Variants in SHLD1 observed in about 807,000 individuals in gnomAD.
SHLD1 encodes shieldin complex subunit 1.
A neutral mutation model predicts 5.5 loss-of-function variants in SHLD1; 3 were observed. The observed-to-expected ratio is 0.54, with a 90% CI of 0.25 to 1.40. The LOEUF is 1.40. Ranked by LOEUF, SHLD1 falls within the 40% of genes most tolerant of loss-of-function variation. SHLD1 has a pLI of 0.15. For missense variants in SHLD1, 210 were observed against 244.4 expected, an observed-to-expected ratio of 0.86 and a Z score of 0.94; for synonymous variants, 92 against 94.3, an observed-to-expected ratio of 0.98 and a Z score of 0.14.
At chr20:5,832,016 T>C (rs1452153689) in intron 2 of SHLD1, among the ~76,000 whole-genome samples, 1 of 152,200 alleles carries the variant, frequency 6.6e-6, no homozygotes. Flanking sequence ...GCAGCTGTCT[T>C]GGCAACCTCC....
intron 1 of SHLD1, among the ~76,000 whole-genome samples, chr20:5,755,191 C>T (rs6133256): frequency 3.3e-5 from 5 of 152,154 alleles, no homozygotes; most frequent in African/African-American, 1.2e-4. Context: ...CTTACAAGGC[C>T]TTAAAAGAGG....
At chr20:5,846,363 C>T (rs959508219) in intron 2 of SHLD1, among the ~76,000 whole-genome samples, 10 of 152,152 alleles carry the variant, frequency 6.6e-5, no homozygotes, top group African/African-American at 1.7e-4. Flanking sequence ...TTTTCTTACG[C>T]GTAAGGTTGA....
At chr20:5,791,893 A>G (rs2087146871) in intron 2 of SHLD1, among the ~76,000 whole-genome samples, 1 of 152,328 alleles carries the variant, frequency 6.6e-6, no homozygotes, top group East Asian at 1.9e-4. Flanking sequence ...GATAGTGACC[A>G]TCCTAATGGG....
At chr20:5,804,007 G>A (rs1207713879) in intron 2 of SHLD1, among the ~76,000 whole-genome samples, 2 of 151,364 alleles carry the variant, frequency 1.3e-5, no homozygotes, top group East Asian at 2.0e-4. Context: ...GTCTTATGGC[G>A]AGATCAATAT....
At chr20:5,846,063 G>A (rs1175122299) in intron 2 of SHLD1, among the ~76,000 whole-genome samples, 1 of 152,152 alleles carries the variant, frequency 6.6e-6, no homozygotes, top group Non-Finnish European at 1.5e-5. Flanking sequence ...ATGGAAAAAC[G>A]CCAGACTTTC....
At chr20:5,791,974 C>T (rs2087148086) in intron 2 of SHLD1, among the ~76,000 whole-genome samples, 1 of 152,114 alleles carries the variant, frequency 6.6e-6, no homozygotes, top group Admixed American at 6.6e-5. Context: ...ACATATTTTC[C>T]ACATGTTTAT....
rs1473391202 is a variant in SHLD1 at position 5,817,432 on chromosome 20, C to CTCTCTCTGTG, written c.178+44390_178+44391insCTCTCTGTGT. 4.2e-3 allele frequency among the ~76,000 whole-genome samples: 359 copies of CTCTCTCTGTG among 85,632 alleles called. 1 individual carries two copies. The highest frequency in any genetic ancestry group is 0.011 in the African/African-American group (206 of 17,982). The allele number at this position is 85,632 out of a possible 152,430, so 56.2% of individuals were successfully genotyped here. The stretch of plus-strand genomic sequence containing the variant: ...TCTCTCTCTCTCTCTCTCTCTCTCT[C>CTCTCTCTGTG]TGTGTGTGTGTGTGTGTGTGTGTGT... On this transcript the variant is annotated intron_variant, in intron 2 of 2. Transcript: ENST00000303142.
At chr20:5,794,780 G>A (rs549918151) in intron 2 of SHLD1, among the ~76,000 whole-genome samples, 4 of 152,130 alleles carry the variant, frequency 2.6e-5, no homozygotes, top group Admixed American at 6.6e-5. Flanking sequence ...TTTATTAGAC[G>A]TCTAATCAGT....
chr20:5,795,790 G>A (rs2087203862), intron 2 of SHLD1, among the ~76,000 whole-genome samples: 1 of 151,476 alleles, frequency 6.6e-6, no homozygotes, highest in South Asian at 2.1e-4. Context: ...GACCATCCTG[G>A]CTAACACGGT....
chr20:5,766,142 T>A (rs879651123), intron 1 of SHLD1, among the ~76,000 whole-genome samples: 1 of 152,186 alleles, frequency 6.6e-6, no homozygotes, highest in Non-Finnish European at 1.5e-5. Context: ...ACCCGTTTGT[T>A]CCCTTCCAGA....
intron 2 of SHLD1, among the ~76,000 whole-genome samples, chr20:5,850,152 T>TAATA (rs2087989942): frequency 4.0e-5 from 3 of 75,908 alleles, no homozygotes; most frequent in South Asian, 9.8e-4. Flanking sequence ...TAATAATAAT[T>TAATA]AACTGAGACA....
intron 2 of SHLD1, among the ~76,000 whole-genome samples, chr20:5,839,102 G>A (rs1038516223): frequency 1.9e-4 from 29 of 152,146 alleles, no homozygotes; most frequent in African/African-American, 6.8e-4. Flanking sequence ...ATTAAATTGA[G>A]CTCTTTAATT....
intron 1 of SHLD1, among the ~76,000 whole-genome samples, chr20:5,756,260 G>A (rs557541996): frequency 1.7e-4 from 26 of 151,784 alleles, no homozygotes; most frequent in African/African-American, 6.0e-4. Context: ...AGATCAGCCT[G>A]GGCAATATAG....
rs575245589 is a variant in SHLD1, at chr20:5,842,519, T to C, written c.179-20505T>C. Among the ~76,000 whole-genome samples, 15 of 152,336 alleles carry C rather than the reference T, an allele frequency of 9.8e-5. No homozygotes were observed. The East Asian group carries it at 2.9e-3, about 29-fold the overall frequency. ...TTACAGAACATTGTGATTAATAAAT[T>C]TGAGGATTTGTGCTTTATCAGTTCT... On this transcript the variant is annotated intron_variant, in intron 2 of 2. Coordinates refer to ENST00000303142, the MANE Select transcript of SHLD1 (RefSeq NM_152504.4).
At chr20:5,774,072 C>T (rs559754605) in intron 2 of SHLD1, among the ~76,000 whole-genome samples, 3 of 152,024 alleles carry the variant, frequency 2.0e-5, no homozygotes, top group African/African-American at 2.4e-5. Flanking sequence ...GGTGTGGTGG[C>T]GGGCGCCTGT....
In SHLD1 at chr20:5,809,002, A is replaced by G. The variant is rs144629011; in HGVS notation, c.178+35959A>G. On this transcript the variant is annotated intron_variant, in intron 2 of 2. Transcript: ENST00000303142. ...GGAATTTAAGGGGGTGGCATTTTTTATGAGTTGCCATAGTGGCAGATACAG... is the reference window on the plus strand; with the variant it reads ...GGAATTTAAGGGGGTGGCATTTTTTGTGAGTTGCCATAGTGGCAGATACAG... 2.2e-4 allele frequency among the ~76,000 whole-genome samples: 33 copies of G among 152,268 alleles called. No individual in the cohort carries two copies. The East Asian group carries it at 6.2e-3, about 28-fold the overall frequency.
intron 2 of SHLD1, among the ~76,000 whole-genome samples, chr20:5,784,333 A>G (rs2087027171): frequency 6.6e-6 from 1 of 152,050 alleles, no homozygotes; most frequent in Admixed American, 6.5e-5. Flanking sequence ...CCTTCTTTAA[A>G]ACTAAAAAAG....
intron 1 of SHLD1, among the ~76,000 whole-genome samples, chr20:5,754,590 A>C (rs969744446): frequency 1.3e-5 from 2 of 152,198 alleles, no homozygotes; most frequent in Admixed American, 6.5e-5. Context: ...GTAACACAGC[A>C]TCAGGAGGTC....
At chr20:5,850,562 G>C (rs1160866033) in intron 2 of SHLD1, among the ~76,000 whole-genome samples, 1 of 149,426 alleles carries the variant, frequency 6.7e-6, no homozygotes, top group African/African-American at 2.5e-5. Context: ...CCAAGTGGGA[G>C]TGCAGTGGTG....
Sources: allele counts gnomAD v4.1 joint callset (sites outside exome capture counted in the v4.1 genomes callset), GRCh38; gene constraint gnomAD v4.1.1; transcripts MANE v1.5; gene names NCBI Gene and HGNC (gene_info 2026-07-23, HGNC 2026-07-21).